Variants in MCF2L observed in about 807,000 individuals in gnomAD.
The protein encoded by MCF2L is MCF.2 cell line derived transforming sequence like, also known as guanine nucleotide exchange factor DBS.
Under a neutral mutation model 153.4 loss-of-function variants are expected in MCF2L, and 97 were observed. That is an observed-to-expected ratio of 0.63 (90% CI 0.54 to 0.75). The LOEUF (loss-of-function observed/expected upper bound fraction) is 0.75, where lower values mean the gene tolerates loss of function less well. Among genes scored for constraint, MCF2L ranks in the 30% least tolerant of loss-of-function variants. MCF2L has a pLI of 0.00. For missense variants in MCF2L, 1,347 were observed against 1,495.2 expected, an observed-to-expected ratio of 0.90 and a Z score of 1.64; for synonymous variants, 659 against 632.2, an observed-to-expected ratio of 1.04 and a Z score of -0.64.
At chr13:113,025,346 T>C (rs868801297) in intron 3 of MCF2L, among the ~76,000 whole-genome samples, 2 of 51,610 alleles carry the variant, frequency 3.9e-5, no homozygotes, top group Non-Finnish European at 3.7e-5. Context: ...GGGCAGAGTC[T>C]CTGTGAGGTT....
At chr13:113,075,221 C>A (rs3764120) in intron 11 of MCF2L, 32 bp downstream of exon 11, 51 of 1,552,562 alleles carry the variant, frequency 3.3e-5, no homozygotes, top group Middle Eastern at 2.0e-4. Context: ...CCCACTCCCC[C>A]CCAGCTGCGG....
chr13:112,988,760 G>C (rs1166205195), intron 1 of MCF2L, among the ~76,000 whole-genome samples: 82 of 119,736 alleles, frequency 6.8e-4, no homozygotes, highest in African/African-American at 7.7e-4. Context: ...CTGAGCAGGG[G>C]ATGGAGCTAC....
exon 2 of MCF2L, chr13:112,902,329 A>C: frequency 6.2e-7 from 1 of 1,612,950 alleles, no homozygotes; most frequent in African/African-American, 1.3e-5. Context: ...TGACGTCATC[A>C]GGCTTGTTCA....
At chr13:113,049,763 C>T (rs890728083) in intron 4 of MCF2L, among the ~76,000 whole-genome samples, 4 of 152,224 alleles carry the variant, frequency 2.6e-5, no homozygotes, top group Non-Finnish European at 5.9e-5. Context: ...CCGAGGAGGA[C>T]GCAGCGCTTA....
chr13:113,084,156 C>T (rs2034411834), intron 18 of MCF2L, 89 bp downstream of exon 18: 4 of 1,087,448 alleles, frequency 3.7e-6, no homozygotes, highest in Admixed American at 1.8e-5. Context: ...CCTATTCTAA[C>T]CAACTGAAAT....
chr13:113,095,386 C>T, intron 27 of MCF2L: 1 of 1,126,986 alleles, frequency 8.9e-7, no homozygotes, highest in South Asian at 2.1e-5. Context: ...GAAGGAAGGC[C>T]TGGGCGTGAG....
intron 1 of MCF2L, among the ~76,000 whole-genome samples, chr13:112,997,738 C>G (rs2083198563): frequency 3.3e-5 from 5 of 152,236 alleles, no homozygotes; most frequent in Admixed American, 2.6e-4. Context: ...ACTCCCACAG[C>G]TCCTTGGGGT....
chr13:112,953,602 C>G (rs1422476762), intron 2 of MCF2L, among the ~76,000 whole-genome samples: 3 of 152,252 alleles, frequency 2.0e-5, no homozygotes, highest in Non-Finnish European at 4.4e-5. Context: ...AAAGATCCTG[C>G]CTGCAGACTT....
At chr13:112,975,563 T>A (rs1432833148) in intron 1 of MCF2L, among the ~76,000 whole-genome samples, 1 of 152,200 alleles carries the variant, frequency 6.6e-6, no homozygotes, top group African/African-American at 2.4e-5. Context: ...ACCCGTTTGC[T>A]GTTAGGGTCA....
intron 4 of MCF2L, among the ~76,000 whole-genome samples, chr13:113,059,267 G>A (rs369197196): frequency 2.6e-5 from 4 of 152,286 alleles, no homozygotes; most frequent in South Asian, 2.1e-4. Flanking sequence ...CGCCCCACGC[G>A]TCCCCTGACT....
At chr13:113,091,259 T>A (rs1429171666) in intron 26 of MCF2L, 1 of 1,286,802 alleles carries the variant, frequency 7.8e-7, no homozygotes, top group Non-Finnish European at 1.0e-6. Flanking sequence ...CCCAGCTGGC[T>A]GTCAGGTGGC....
At chr13:112,911,981 T>A (rs1007164465) in intron 2 of MCF2L, among the ~76,000 whole-genome samples, 6 of 152,148 alleles carry the variant, frequency 3.9e-5, no homozygotes, top group Non-Finnish European at 7.4e-5. Context: ...GAATTCTTTT[T>A]AAAAAGAAAA....
chr13:113,012,837 C>T (rs1157981477), intron 1 of MCF2L, among the ~76,000 whole-genome samples: 5 of 68,086 alleles, frequency 7.3e-5, no homozygotes, highest in Admixed American at 1.4e-4. Context: ...CACTGTGATG[C>T]GGACGGTGGA....
At chr13:112,923,820 C>T (rs1343469365) in intron 2 of MCF2L, among the ~76,000 whole-genome samples, 1 of 152,170 alleles carries the variant, frequency 6.6e-6, no homozygotes, top group African/African-American at 2.4e-5. Context: ...GGAGCAGGAG[C>T]TGCATTCAGT....
chr13:113,023,376 G>A (rs1024611556), intron 2 of MCF2L, among the ~76,000 whole-genome samples: 13 of 152,232 alleles, frequency 8.5e-5, no homozygotes, highest in African/African-American at 2.4e-4. Flanking sequence ...AGGGAGCCTC[G>A]GGGGCCCAGC....
Position 113,062,169 on chromosome 13 carries a change from C to G in MCF2L, c.489+1457C>G, listed in dbSNP as rs1431643199. Among the ~76,000 whole-genome samples the G allele has an allele frequency of 2.0e-5, 3 of 151,856 alleles. No homozygotes were observed. In the East Asian group the frequency reaches 5.9e-4, roughly 30 times the overall value. ...AGCCTTAGTGTCTGAACAGTCCATT[C>G]CCTAGAGACGACCAGCGACAAAACC... is the stretch of plus-strand genomic sequence containing the variant. On this transcript the variant is annotated intron_variant, in intron 5 of 29. Transcript: ENST00000535094.
At chr13:112,957,296 G>T (rs1169394159) in intron 2 of MCF2L, 1 of 152,230 alleles carries the variant, frequency 6.6e-6, no homozygotes, top group Non-Finnish European at 1.5e-5. Flanking sequence ...TTTCCTTTTA[G>T]AGGACGCAGT....
At chr13:112,926,134 G>A (rs945268973) in intron 2 of MCF2L, among the ~76,000 whole-genome samples, 3 of 152,230 alleles carry the variant, frequency 2.0e-5, no homozygotes, top group Non-Finnish European at 4.4e-5. Context: ...TGTACAGCCT[G>A]GTCTGTTTGC....
chr13:112,969,219 ACCAAT>A lies in MCF2L; in HGVS notation c.-158_-154del. On this transcript the variant is annotated 5_prime_UTR_variant, in exon 1 of 30. Transcript: ENST00000535094. The surrounding 1 kb of genome is among the most constrained non-coding windows in gnomAD (Gnocchi z 4.8). ...CGCGCCCCCCTCCCGGTGGCGCGGAACCAATCCTGGGCAGGGAGGCGGCGGCTGGA... is the reference window on the plus strand; with the variant it reads ...CGCGCCCCCCTCCCGGTGGCGCGGAACCTGGGCAGGGAGGCGGCGGCTGGA... 7 of 1,178,298 alleles carry A rather than the reference ACCAAT, an allele frequency of 5.9e-6. No homozygotes were observed. Among genetic ancestry groups the A allele is most frequent in the Non-Finnish European group, 7.4e-6 (7 of 947,742 alleles). The allele number at this position is 1,178,298 out of a possible 1,614,324, so 73.0% of individuals were successfully genotyped here. A position where few individuals can be genotyped will look rare whatever the true frequency, so the allele number is the denominator to read the frequency against.
Sources: allele counts gnomAD v4.1 joint callset (sites outside exome capture counted in the v4.1 genomes callset), GRCh38; gene constraint gnomAD v4.1.1; non-coding constraint Gnocchi (gnomAD v3.1); transcripts MANE v1.5; gene names NCBI Gene and HGNC (gene_info 2026-07-23, HGNC 2026-07-21).